The following ADAM23 variants were observed in gnomAD, a reference collection of about 807,000 sequenced individuals.
ADAM23 encodes ADAM metallopeptidase domain 23.
A neutral mutation model predicts 120.1 loss-of-function variants in ADAM23; 33 were observed. That is an observed-to-expected ratio of 0.27 (90% CI 0.21 to 0.37). The LOEUF is 0.37. ADAM23 is among the 10% of genes least tolerant of loss of function. The probability of loss-of-function intolerance (pLI) is 1.00; values close to 1 mark genes in which losing one functional copy is unlikely to be tolerated. For missense variants in ADAM23, 862 were observed against 1,058.2 expected (o/e 0.81, Z 2.57); for synonymous variants, 367 against 375.2 (o/e 0.98, Z 0.25).
chr2:206,512,913 T>G (rs545859511), intron 3 of ADAM23, among the ~76,000 whole-genome samples: 1 of 152,170 alleles, frequency 6.6e-6, no homozygotes, highest in Non-Finnish European at 1.5e-5. Context: ...ATTTAAATTA[T>G]TATGATCTGT....
At chr2:206,554,232 A>C (rs1375362447) in intron 9 of ADAM23, among the ~76,000 whole-genome samples, 3 of 152,220 alleles carry the variant, frequency 2.0e-5, no homozygotes, top group Non-Finnish European at 4.4e-5. Context: ...GTGGCTTTCC[A>C]TTAGAAAAGA....
At chr2:206,499,764 C>T (rs1467497366) in intron 3 of ADAM23, among the ~76,000 whole-genome samples, 1 of 152,114 alleles carries the variant, frequency 6.6e-6, no homozygotes, top group Non-Finnish European at 1.5e-5. Context: ...CATCTAGTGA[C>T]AACAGTGCTT....
chr2:206,603,522 G>A (rs1335048484), intron 24 of ADAM23, among the ~76,000 whole-genome samples: 1 of 152,204 alleles, frequency 6.6e-6, no homozygotes, highest in Admixed American at 6.5e-5. Context: ...AACAGGGAGG[G>A]TAGGGATGCT....
chr2:206,570,917 C>T, intron 16 of ADAM23, 106 bp downstream of exon 16: 1 of 911,660 alleles, frequency 1.1e-6, no homozygotes, highest in Non-Finnish European at 1.7e-6. Flanking sequence ...TACTGCCTTT[C>T]TTTCTCATCT....
At chr2:206,529,042 T>C (rs1696996426) in intron 3 of ADAM23, among the ~76,000 whole-genome samples, 1 of 152,212 alleles carries the variant, frequency 6.6e-6, no homozygotes, top group Admixed American at 6.5e-5. Context: ...AGGAGGCACA[T>C]ATTTTGTATT....
intron 18 of ADAM23, among the ~76,000 whole-genome samples, chr2:206,582,424 T>C (rs1698236762): frequency 6.6e-6 from 1 of 152,162 alleles, no homozygotes; most frequent in South Asian, 2.1e-4. Flanking sequence ...TTTAAGTTTA[T>C]GTGAGTGTTT....
chr2:206,603,858 G>A (rs1327233293), intron 24 of ADAM23, among the ~76,000 whole-genome samples: 1 of 151,996 alleles, frequency 6.6e-6, no homozygotes, highest in African/African-American at 2.4e-5. Flanking sequence ...TTATGGGAGA[G>A]GGTTTTTTGT....
intron 18 of ADAM23, among the ~76,000 whole-genome samples, chr2:206,579,416 T>TGA (rs1434203553): frequency 2.0e-5 from 3 of 152,192 alleles, no homozygotes; most frequent in Admixed American, 2.0e-4. Flanking sequence ...TTCTTTAAGG[T>TGA]GAGAGATGAA....
In ADAM23 at chr2:206,560,979, T is replaced by G; in HGVS notation, c.1170-149T>G. The G allele has an allele frequency of 4.9e-6, 3 of 614,782 alleles. No homozygotes were observed. The South Asian group carries it at 6.1e-5, about 13-fold the overall frequency. The allele number at this position is 614,782 out of a possible 1,614,324, so 38.1% of individuals were successfully genotyped here. A position where few individuals can be genotyped will look rare whatever the true frequency, so the allele number is the denominator to read the frequency against. On this transcript the variant is annotated intron_variant, in intron 11 of 25. Transcript: ENST00000264377. ...AACAAATTTAAAGGTAATTATGTCA[T>G]AAATTTTAAGGTAGTTGAAATAAAG...
intron 15 of ADAM23, 59 bp downstream of exon 15, chr2:206,567,381 C>A (rs1167042536): frequency 6.4e-6 from 9 of 1,395,608 alleles, no homozygotes; most frequent in Non-Finnish European, 9.0e-6. Flanking sequence ...TTTTACAGTG[C>A]AACAGTGCTG....
chr2:206,596,220 T>C, intron 24 of ADAM23, 58 bp downstream of exon 24: 1 of 1,281,284 alleles, frequency 7.8e-7, no homozygotes, highest in Non-Finnish European at 1.1e-6. Flanking sequence ...ACTGTTCCAA[T>C]GCACCAGTAT....
At chr2:206,447,145 C>T (rs1296823999) in intron 2 of ADAM23, among the ~76,000 whole-genome samples, 6 of 152,090 alleles carry the variant, frequency 3.9e-5, no homozygotes, top group Non-Finnish European at 8.8e-5. Context: ...TATAGTTTAA[C>T]CTTATGTGGC....
intron 3 of ADAM23, among the ~76,000 whole-genome samples, chr2:206,483,802 G>A (rs951999295): frequency 1.3e-5 from 2 of 152,164 alleles, no homozygotes; most frequent in Non-Finnish European, 2.9e-5. Context: ...AAACTCTGGG[G>A]TGGAGGAAAT....
chr2:206,550,648 C>CT (rs1697502446), intron 9 of ADAM23, among the ~76,000 whole-genome samples: 1 of 150,590 alleles, frequency 6.6e-6, no homozygotes, highest in South Asian at 2.1e-4. Context: ...GTCGCCCAGC[C>CT]TGGAGTACAG....
In ADAM23 at chr2:206,594,902, T is replaced by C. The variant is rs773311969; in HGVS notation, c.2244T>C (p.His748=). The part of the protein sequence containing the change: ...LDSKGKVCSG[H]GVCSNEATCI... ...CCAAGGGTAAAGTCTGTTCGGGCCA[T>C]GGGGTAAGTAGGTATCAATGTGACA... The change falls in exon 23 of 26, where the codon CAT becomes CAC. Residue 748 remains histidine, a synonymous_variant. Transcript: ENST00000264377. The C allele has an allele frequency of 1.2e-6, 2 of 1,613,996 alleles. No individual in the cohort carries two copies. The highest frequency in any genetic ancestry group is 1.3e-5 in the African/African-American group (1 of 74,922).
At chr2:206,536,089 G>A (rs557513491) in intron 4 of ADAM23, among the ~76,000 whole-genome samples, 30 of 152,264 alleles carry the variant, frequency 2.0e-4, no homozygotes, top group Non-Finnish European at 3.8e-4. Context: ...ATATGCTCAT[G>A]AATAAGCCAT....
In ADAM23 at chr2:206,447,754, C is replaced by T. The variant is rs529060660; in HGVS notation, c.432+2230C>T. On this transcript the variant is annotated intron_variant, in intron 2 of 25. Transcript: ENST00000264377. ...AAGTTTTTAATATCTGTGTTATGTA[C>T]CTTTTTTTCCCTCTCCTGATTTCAT... Among the ~76,000 whole-genome samples, 4 of 152,222 alleles carry T rather than the reference C, an allele frequency of 2.6e-5. No homozygotes were observed. The South Asian group carries it at 8.3e-4, about 32-fold the overall frequency.
intron 25 of ADAM23, among the ~76,000 whole-genome samples, chr2:206,613,172 G>A (rs573825393): frequency 1.3e-4 from 20 of 152,180 alleles, no homozygotes; most frequent in African/African-American, 4.8e-4. Flanking sequence ...CGATTCTCCT[G>A]CCTCAGCCTC....
rs540012332 is a variant in ADAM23 at position 206,525,803 on chromosome 2, G to C, written c.510-5082G>C. 2.4e-4 allele frequency among the ~76,000 whole-genome samples: 36 copies of C among 152,104 alleles called. 1 individual carries two copies. The highest frequency in any genetic ancestry group is 7.7e-4 in the African/African-American group (32 of 41,484). On this transcript the variant is annotated intron_variant, in intron 3 of 25. Transcript: ENST00000264377. ...GATGGGGTTTCAGCATGTTGGCCAGGCTGGTCTCAAACTCCTGACCCTGTG... is the reference window on the plus strand; with the variant it reads ...GATGGGGTTTCAGCATGTTGGCCAGCCTGGTCTCAAACTCCTGACCCTGTG...
Sources: gnomAD v4.1 joint callset for allele counts (sites outside exome capture counted in the v4.1 genomes callset) on GRCh38, gnomAD v4.1.1 for gene constraint, MANE v1.5 for transcripts, NCBI Gene and HGNC (gene_info 2026-07-23, HGNC 2026-07-21) for gene names.